NSMCE2: variants seen among roughly 807,000 people sequenced by gnomAD.
NSMCE2 encodes the protein E3 SUMO-protein ligase NSE2.
A neutral mutation model predicts 23.8 loss-of-function variants in NSMCE2; 24 were observed. That is an observed-to-expected ratio of 1.01 (90% CI 0.73 to 1.42). NSMCE2 has a LOEUF of 1.42. NSMCE2 is among the 40% of genes most tolerant of loss of function. NSMCE2 has a pLI of 0.00. For missense variants in NSMCE2, 284 were observed against 296.5 expected (o/e 0.96, Z 0.31); for synonymous variants, 92 against 94.1 (o/e 0.98, Z 0.13).
chr8:125,339,645 C>CA (rs1830169656), intron 5 of NSMCE2, among the ~76,000 whole-genome samples: 1 of 152,168 alleles, frequency 6.6e-6, no homozygotes, highest in Non-Finnish European at 1.5e-5. Context: ...CTAAGAATGG[C>CA]AGAGTGGCAG....
chr8:125,134,857 A>T (rs1819982431), intron 3 of NSMCE2, among the ~76,000 whole-genome samples: 1 of 151,248 alleles, frequency 6.6e-6, no homozygotes, highest in African/African-American at 2.4e-5. Context: ...CTTCCTGAGT[A>T]GTTGGGACTA....
chr8:125,198,435 A>G (rs1414593544), intron 5 of NSMCE2, among the ~76,000 whole-genome samples: 6 of 152,180 alleles, frequency 3.9e-5, no homozygotes, highest in African/African-American at 7.2e-5. Context: ...TTCTGCATCT[A>G]TTGAGATAAG....
chr8:125,194,874 CT>C (rs1388607412), intron 5 of NSMCE2, among the ~76,000 whole-genome samples: 1 of 151,692 alleles, frequency 6.6e-6, no homozygotes, highest in Non-Finnish European at 1.5e-5. Context: ...TTTTTCTAAC[CT>C]TTTTTATATT....
chr8:125,240,273 A>G (rs1469255866), intron 5 of NSMCE2, among the ~76,000 whole-genome samples: 3 of 151,830 alleles, frequency 2.0e-5, no homozygotes, highest in African/African-American at 4.8e-5. Context: ...TACAGGCACA[A>G]GCCTCCACCC....
intron 4 of NSMCE2, among the ~76,000 whole-genome samples, chr8:125,173,616 T>A (rs1230674938): frequency 6.6e-6 from 1 of 152,182 alleles, no homozygotes; most frequent in Non-Finnish European, 1.5e-5. Context: ...TGGTGATGAA[T>A]GAGGCATTCA....
intron 3 of NSMCE2, among the ~76,000 whole-genome samples, chr8:125,108,864 T>C (rs1818594940): frequency 6.6e-6 from 1 of 152,244 alleles, no homozygotes; most frequent in East Asian, 1.9e-4. Flanking sequence ...ATACTTGTTA[T>C]TCAATCATTA....
chr8:125,155,331 A>G (rs565759970), intron 4 of NSMCE2, among the ~76,000 whole-genome samples: 1 of 152,346 alleles, frequency 6.6e-6, no homozygotes, highest in South Asian at 2.1e-4. Flanking sequence ...TAACTTTTGC[A>G]TGAAATGGAA....
At chr8:125,110,789 G>A (rs1220105147) in intron 3 of NSMCE2, among the ~76,000 whole-genome samples, 1 of 104,366 alleles carries the variant, frequency 9.6e-6, no homozygotes, top group East Asian at 2.8e-4. Context: ...TTTTTTTTGA[G>A]GATAATGTTA....
intron 3 of NSMCE2, among the ~76,000 whole-genome samples, chr8:125,144,055 GA>G (rs1187294182): frequency 3.3e-5 from 5 of 152,170 alleles, no homozygotes; most frequent in Non-Finnish European, 2.9e-5. Context: ...AAGAGGGGGG[GA>G]AAGTCCTTAT....
At chr8:125,272,769 A>G (rs1351331559) in intron 5 of NSMCE2, among the ~76,000 whole-genome samples, 1 of 143,150 alleles carries the variant, frequency 7.0e-6, no homozygotes. Context: ...ATATATATAC[A>G]CACACACGTA....
At chr8:125,161,802 AAAAAATCGG>A (rs987279010) in intron 4 of NSMCE2, among the ~76,000 whole-genome samples, 2 of 151,876 alleles carry the variant, frequency 1.3e-5, no homozygotes, top group African/African-American at 4.8e-5. Flanking sequence ...AAAAAAAAAA[AAAAAATCGG>A]AAACGGTAAC....
chr8:125,266,939 A>T (rs1361567705), intron 5 of NSMCE2, among the ~76,000 whole-genome samples: 2 of 152,066 alleles, frequency 1.3e-5, no homozygotes, highest in African/African-American at 4.8e-5. Flanking sequence ...AATAAAGGTA[A>T]TCTGAACATT....
chr8:125,094,227 T>C (rs1817820872), intron 1 of NSMCE2, among the ~76,000 whole-genome samples: 1 of 152,222 alleles, frequency 6.6e-6, no homozygotes, highest in Admixed American at 6.5e-5. Context: ...TTCAGAGCAC[T>C]TGCTGTTTGT....
chr8:125,216,544 G>A (rs1824591532), intron 5 of NSMCE2, among the ~76,000 whole-genome samples: 1 of 151,790 alleles, frequency 6.6e-6, no homozygotes, highest in South Asian at 2.1e-4. Context: ...TGAGGCAGGA[G>A]AATTGCTTGA....
At chr8:125,222,459 C>T (rs1163067892) in intron 5 of NSMCE2, among the ~76,000 whole-genome samples, 2 of 152,130 alleles carry the variant, frequency 1.3e-5, no homozygotes, top group Non-Finnish European at 2.9e-5. Context: ...ATCACTAAAA[C>T]TTACTCCTCC....
chr8:125,170,011 T>C (rs751676513), intron 4 of NSMCE2, among the ~76,000 whole-genome samples: 3 of 152,098 alleles, frequency 2.0e-5, no homozygotes, highest in Non-Finnish European at 4.4e-5. Flanking sequence ...CCTGCTCTGA[T>C]ATCATCCCAT....
At chr8:125,098,263 T>C (rs1022814075) in intron 1 of NSMCE2, among the ~76,000 whole-genome samples, 10 of 152,184 alleles carry the variant, frequency 6.6e-5, no homozygotes, top group African/African-American at 2.2e-4. Context: ...TAGAATTACA[T>C]AGAGGACTTG....
intron 5 of NSMCE2, among the ~76,000 whole-genome samples, chr8:125,252,487 C>T (rs28516407): frequency 0.023 from 3,472 of 152,274 alleles, 121 homozygotes; most frequent in African/African-American, 0.079. Flanking sequence ...GATCCCGCCA[C>T]TGCACTCCAG....
intron 5 of NSMCE2, among the ~76,000 whole-genome samples, chr8:125,252,575 T>C (rs1443953239): frequency 5.9e-5 from 9 of 152,230 alleles, no homozygotes; most frequent in African/African-American, 2.2e-4. Flanking sequence ...TTATATTTTC[T>C]TGCATTTGAC....
Sources: gnomAD v4.1 joint callset for allele counts (sites outside exome capture counted in the v4.1 genomes callset) on GRCh38, gnomAD v4.1.1 for gene constraint, MANE v1.5 for transcripts, NCBI Gene and HGNC (gene_info 2026-07-23, HGNC 2026-07-21) for gene names.